The following LARP1B variants were observed in gnomAD, a reference collection of about 807,000 sequenced individuals.
The protein encoded by LARP1B is la-related protein 1B.
LARP1B carries 76 observed loss-of-function variants against 114.2 expected under a neutral mutation model. The observed-to-expected ratio is 0.67, with a 90% CI of 0.55 to 0.81. The LOEUF (loss-of-function observed/expected upper bound fraction) is 0.81. Ranked by LOEUF, LARP1B falls within the 30% of genes least tolerant of loss-of-function variation. LARP1B has a pLI of 0.00. For missense variants in LARP1B, 1,014 were observed against 1,075.8 expected (o/e 0.94, Z 0.80); for synonymous variants, 345 against 348.0 (o/e 0.99, Z 0.10).
At chr4:128,094,067 T>G (rs1233689652) in intron 7 of LARP1B, among the ~76,000 whole-genome samples, 1 of 151,806 alleles carries the variant, frequency 6.6e-6, no homozygotes, top group Non-Finnish European at 1.5e-5. Flanking sequence ...TTTTTTTAAC[T>G]TTTTAAAAAT....
At chr4:128,121,700 G>C in intron 10 of LARP1B, 126 bp from the exon 11 acceptor site, 1 of 622,854 alleles carries the variant, frequency 1.6e-6, no homozygotes, top group South Asian at 3.1e-5. Flanking sequence ...TTCTTTTACA[G>C]TTTGGCTGTT....
chr4:128,135,142 TAAA>T (rs528090120), intron 11 of LARP1B, among the ~76,000 whole-genome samples: 1 of 139,708 alleles, frequency 7.2e-6, no homozygotes, highest in Non-Finnish European at 1.6e-5. Flanking sequence ...AATAAATAAA[TAAA>T]AAGGATAACA....
At chr4:128,202,789 G>C (rs1417220475) in intron 17 of LARP1B, among the ~76,000 whole-genome samples, 1 of 152,144 alleles carries the variant, frequency 6.6e-6, no homozygotes, top group Non-Finnish European at 1.5e-5. Context: ...CTACTTCTTA[G>C]GAAGTAGTGG....
rs1770459296 is a variant in LARP1B at position 128,081,579 on chromosome 4, T to A, written c.218-586T>A. ...TTTGGGATTTTTGGGCGGCTGGGCG[T>A]CGAGCTTGAACGCTTTGATGGCTGC... On this transcript the variant is annotated intron_variant, in intron 4 of 19. Transcript: ENST00000326639. 2.0e-5 allele frequency among the ~76,000 whole-genome samples: 3 copies of A among 152,180 alleles called. No individual in the cohort carries two copies. The South Asian group carries it at 6.2e-4, about 32-fold the overall frequency.
At chr4:128,064,061 C>T (rs1253282498) in intron 1 of LARP1B, among the ~76,000 whole-genome samples, 1 of 151,954 alleles carries the variant, frequency 6.6e-6, no homozygotes, top group Non-Finnish European at 1.5e-5. Context: ...CACCTGAGGT[C>T]AGGAGTTCGA....
At chr4:128,182,584 C>T (rs1193341289) in intron 15 of LARP1B, among the ~76,000 whole-genome samples, 1 of 152,156 alleles carries the variant, frequency 6.6e-6, no homozygotes, top group Non-Finnish European at 1.5e-5. Flanking sequence ...TCTTCTTGGG[C>T]ATCCCTGTAC....
chr4:128,061,893 C>T (rs1760250799), intron 1 of LARP1B: 1 of 985,002 alleles, frequency 1.0e-6, no homozygotes, highest in South Asian at 4.7e-5. Flanking sequence ...GAGCCGTCGC[C>T]GGCGCTGGTG....
In LARP1B at chr4:128,131,193, A is replaced by T. The variant is rs577380341; in HGVS notation, c.1524+9005A>T. Reference sequence around the variant, plus strand: ...TGTTTTCATCTATTGTAACTAATGTATCACTCTAGTGCAGGATGATAGTGT... The same window carrying T: ...TGTTTTCATCTATTGTAACTAATGTTTCACTCTAGTGCAGGATGATAGTGT... On this transcript the variant is annotated intron_variant, in intron 11 of 19. Transcript: ENST00000326639. Among the ~76,000 whole-genome samples, 16 of 152,340 alleles carry T rather than the reference A, an allele frequency of 1.1e-4. No homozygotes were observed. The South Asian group carries it at 2.9e-3, about 28-fold the overall frequency.
intron 11 of LARP1B, among the ~76,000 whole-genome samples, chr4:128,131,100 A>G (rs868670556): frequency 2.0e-5 from 3 of 152,224 alleles, no homozygotes; most frequent in African/African-American, 7.2e-5. Context: ...TCTGATGACG[A>G]TACATGTCAT....
intron 15 of LARP1B, among the ~76,000 whole-genome samples, chr4:128,192,171 C>CT (rs1003583952): frequency 6.6e-6 from 1 of 152,028 alleles, no homozygotes; most frequent in Non-Finnish European, 1.5e-5. Context: ...AAGGTATGTA[C>CT]TTTTTTTAAG....
Position 128,210,958 on chromosome 4 carries a change from T to C in LARP1B, c.*905T>C. On this transcript the variant is annotated 3_prime_UTR_variant, in exon 20 of 20. Transcript: ENST00000326639. Reference sequence around the variant, plus strand: ...ATGTCATAAGGAGTCAGATTATCTTTAATTTAAAATGAATACTTAGTTTTA... The same window carrying C: ...ATGTCATAAGGAGTCAGATTATCTTCAATTTAAAATGAATACTTAGTTTTA... The C allele has an allele frequency of 1.1e-6, 1 of 938,922 alleles. No homozygotes were observed. The allele number at this position is 938,922 out of a possible 1,614,324, so 58.2% of individuals were successfully genotyped here.
chr4:128,168,661 T>A (rs1742197254), intron 12 of LARP1B, among the ~76,000 whole-genome samples: 1 of 152,166 alleles, frequency 6.6e-6, no homozygotes, highest in African/African-American at 2.4e-5. Flanking sequence ...TCTTGGATTC[T>A]CAGGATAAGC....
chr4:128,101,212 G>T (rs1780213523), intron 8 of LARP1B, among the ~76,000 whole-genome samples: 1 of 150,230 alleles, frequency 6.7e-6, no homozygotes, highest in Non-Finnish European at 1.5e-5. Context: ...GGTGGCTCAT[G>T]CCTGTAATCC....
intron 11 of LARP1B, among the ~76,000 whole-genome samples, chr4:128,130,489 G>A (rs1160903892): frequency 1.3e-5 from 2 of 152,158 alleles, no homozygotes; most frequent in African/African-American, 2.4e-5. Flanking sequence ...ACAACAATGA[G>A]ATACTACTGT....
intron 8 of LARP1B, among the ~76,000 whole-genome samples, chr4:128,102,258 A>G (rs140341267): frequency 1.8e-4 from 28 of 152,350 alleles, no homozygotes; most frequent in African/African-American, 6.7e-4. Flanking sequence ...TATCAAGATC[A>G]TGGACCTATG....
intron 15 of LARP1B, among the ~76,000 whole-genome samples, chr4:128,196,248 C>CAAAAAAAAA (rs35423896): frequency 4.5e-5 from 4 of 88,600 alleles, no homozygotes; most frequent in East Asian, 3.4e-4. Context: ...GAGAGTCTGT[C>CAAAAAAAAA]AAAAAAAAAA....
At chr4:128,078,035 A>C in intron 4 of LARP1B, 73 bp downstream of exon 4, 1 of 1,010,282 alleles carries the variant, frequency 9.9e-7, no homozygotes, top group Non-Finnish European at 1.4e-6. Flanking sequence ...CATTTCATTA[A>C]CTGATCTCTG....
intron 11 of LARP1B, 86 bp from the exon 12 acceptor site, chr4:128,162,108 T>C (rs1366139593): frequency 7.9e-7 from 1 of 1,264,958 alleles, no homozygotes; most frequent in African/African-American, 1.5e-5. Flanking sequence ...TTTTAGAAGT[T>C]CATTTTTTTG....
At chr4:128,108,700 G>A in intron 9 of LARP1B, 1 of 984,072 alleles carries the variant, frequency 1.0e-6, no homozygotes, top group South Asian at 4.7e-5. Flanking sequence ...GATTATATAA[G>A]TTAGATTTAT....
Sources: allele counts gnomAD v4.1 joint callset (sites outside exome capture counted in the v4.1 genomes callset), GRCh38; gene constraint gnomAD v4.1.1; transcripts MANE v1.5; gene names NCBI Gene and HGNC (gene_info 2026-07-23, HGNC 2026-07-21).